Variants in SHPRH observed in about 807,000 individuals in gnomAD.
SHPRH encodes E3 ubiquitin-protein ligase SHPRH.
A neutral mutation model predicts 202.5 loss-of-function variants in SHPRH; 106 were observed. The ratio of observed to expected loss-of-function variants is 0.52; its 90% CI spans 0.45 to 0.62. The LOEUF (loss-of-function observed/expected upper bound fraction) is 0.62, where lower values mean the gene tolerates loss of function less well. SHPRH is among the 20% of genes least tolerant of loss of function. The pLI is 0.00. For synonymous variants in SHPRH, 729 were observed against 686.0 expected, an observed-to-expected ratio of 1.06 and a Z score of -0.98; for missense variants, 1,710 against 2,020.0, an observed-to-expected ratio of 0.85 and a Z score of 2.94.
intron 28 of SHPRH, among the ~76,000 whole-genome samples, chr6:145,891,942 G>A (rs961001113): frequency 1.3e-5 from 2 of 152,138 alleles, no homozygotes; most frequent in Non-Finnish European, 2.9e-5. Context: ...AGTAAGACAT[G>A]ACTGCATTTT....
chr6:145,958,437 C>T (rs920354702), intron 1 of SHPRH, among the ~76,000 whole-genome samples: 10 of 151,800 alleles, frequency 6.6e-5, no homozygotes, highest in East Asian at 3.9e-4. Context: ...TAAAATTTTG[C>T]TAACAAAATA....
At chr6:145,949,622 G>A (rs1014544475) in intron 4 of SHPRH, among the ~76,000 whole-genome samples, 5 of 151,886 alleles carry the variant, frequency 3.3e-5, no homozygotes, top group African/African-American at 7.3e-5. Context: ...TAGTGGGTAC[G>A]ATATACACTA....
At chr6:145,863,534 A>G (rs998489100), downstream of SHPRH, among the ~76,000 whole-genome samples, 1 of 152,220 alleles carries the variant, frequency 6.6e-6, no homozygotes. Context: ...TGTTATTAAG[A>G]CAAAGAGGAA....
Position 145,910,541 on chromosome 6 carries a change from C to A in SHPRH, c.4422G>T (p.Lys1474Asn). 6.2e-7 allele frequency: 1 copy of A among 1,613,028 alleles called. No homozygotes were observed. Among genetic ancestry groups the A allele is most frequent in the Non-Finnish European group, 8.5e-7 (1 of 1,179,608 alleles). Residue 1474 changes from lysine (K) to asparagine (N), a missense_variant, in exon 25 of 30, where the codon AAG becomes AAT. Coordinates refer to ENST00000275233, the MANE Select transcript of SHPRH (RefSeq NM_001042683.3). ...ATGTGGTCTGGCGGCAGATTGCACA[C>A]TTAATGGAGCTTCTGTGAGATCCCA... The part of the protein sequence containing the change: ...YSVGSHRSSI[K>N]CAICRQTTSH...
intron 2 of SHPRH, among the ~76,000 whole-genome samples, chr6:145,953,793 G>T (rs966683668): frequency 6.6e-6 from 1 of 151,956 alleles, no homozygotes; most frequent in African/African-American, 2.4e-5. Flanking sequence ...ATTTCATAAA[G>T]AAACTGAAAT....
intron 2 of SHPRH, among the ~76,000 whole-genome samples, chr6:145,868,752 A>G (rs1327380448): frequency 6.6e-6 from 1 of 152,202 alleles, no homozygotes; most frequent in Non-Finnish European, 1.5e-5. Context: ...CAATTGTTGC[A>G]ATATAACAAA....
chr6:145,947,123 G>A (rs1787470113), intron 6 of SHPRH, among the ~76,000 whole-genome samples: 1 of 152,010 alleles, frequency 6.6e-6, no homozygotes, highest in African/African-American at 2.4e-5. Flanking sequence ...TTATATATAT[G>A]AGATTTGTAT....
intron 2 of SHPRH, among the ~76,000 whole-genome samples, chr6:145,875,482 T>G (rs1780260140): frequency 6.6e-6 from 1 of 152,230 alleles, no homozygotes; most frequent in Admixed American, 6.5e-5. Context: ...TCAGTTGTTC[T>G]ACTCAATATT....
chr6:145,862,047 C>T (rs1188496337), downstream of SHPRH, among the ~76,000 whole-genome samples: 1 of 152,100 alleles, frequency 6.6e-6, no homozygotes, highest in African/African-American at 2.4e-5. Context: ...TGCAAAGTTT[C>T]ATTTATGTAG....
downstream of SHPRH, among the ~76,000 whole-genome samples, chr6:145,863,416 T>C (rs995149723): frequency 1.3e-5 from 2 of 152,236 alleles, no homozygotes; most frequent in African/African-American, 4.8e-5. Flanking sequence ...TGCAGATATA[T>C]TGCAATGTAT....
Position 145,945,343 on chromosome 6 carries a change from C to T in SHPRH, c.1578+38G>A, listed in dbSNP as rs368181804. On this transcript the variant is annotated intron_variant, in intron 8 of 29. Coordinates refer to ENST00000275233, the MANE Select transcript of SHPRH (RefSeq NM_001042683.3). ...AATGTACTCAGTAAGGTATCACATA[C>T]GTGTACTTAATATAGAGCTGAACTT... 5.9e-5 allele frequency: 93 copies of T among 1,571,828 alleles called. No individual in the cohort carries two copies. The African/African-American group carries it at 1.0e-3, about 17-fold the overall frequency.
At chr6:145,959,480 T>C (rs1156372215) in intron 1 of SHPRH, among the ~76,000 whole-genome samples, 1 of 149,724 alleles carries the variant, frequency 6.7e-6, no homozygotes, top group Non-Finnish European at 1.5e-5. Context: ...TGTAGTAGGC[T>C]GGCGGTACCA....
chr6:145,873,693 G>GA (rs771048853), intron 2 of SHPRH, among the ~76,000 whole-genome samples: 18 of 106,406 alleles, frequency 1.7e-4, no homozygotes, highest in South Asian at 1.1e-3. Flanking sequence ...ACAGTTGCTA[G>GA]AGGAAGGAAG....
At position 145,924,789 on chromosome 6, in the gene SHPRH, G is replaced by A. The variant is rs1227303470; in HGVS notation, c.3352C>T (p.Gln1118Ter). The A allele has an allele frequency of 6.2e-7, 1 of 1,611,814 alleles. No individual in the cohort carries two copies. Among genetic ancestry groups the A allele is most frequent in the African/African-American group, 1.3e-5 (1 of 74,880 alleles). ...SKCNTEVAEA[Q>*]QALYPVQQTI... ...TGCTGCACAGGATATAAAGCTTGCT[G>A]GGCTTCAGCAACTTCTGTATTACAC... Residue 1118 changes from glutamine to a stop codon, truncating the protein, a stop_gained, in exon 17 of 30, where the codon CAG (glutamine) becomes TAG (stop). Transcript: ENST00000275233. LOFTEE classifies it high-confidence loss of function.
At chr6:145,898,189 G>A (rs1464054244) in intron 25 of SHPRH, among the ~76,000 whole-genome samples, 1 of 151,604 alleles carries the variant, frequency 6.6e-6, no homozygotes, top group Non-Finnish European at 1.5e-5. Context: ...AAAATCAGTA[G>A]CATTTCTATA....
intron 1 of SHPRH, among the ~76,000 whole-genome samples, chr6:145,958,609 T>C (rs1445188153): frequency 6.6e-6 from 1 of 152,130 alleles, no homozygotes; most frequent in Non-Finnish European, 1.5e-5. Flanking sequence ...GGAAGTGATT[T>C]CCTTGGCACC....
At position 145,929,847 on chromosome 6, in the gene SHPRH, G is replaced by A. The variant is rs113522145; in HGVS notation, c.3113-2570C>T. On this transcript the variant is annotated intron_variant, in intron 14 of 29. Coordinates refer to ENST00000275233, the MANE Select transcript of SHPRH (RefSeq NM_001042683.3). ...GATAACAGAATTTACATTGTGAGCA[G>A]GTTGAAAGTGGTAAGAATCTGAGGT... 4.1e-3 allele frequency among the ~76,000 whole-genome samples: 627 copies of A among 152,140 alleles called. 3 individuals carry two copies. Among genetic ancestry groups the A allele is most frequent in the African/African-American group, 0.014 (596 of 41,532 alleles).
Position 145,943,616 on chromosome 6 carries a change from T to A in SHPRH, c.1765A>T (p.Ser589Cys). The A allele has an allele frequency of 6.2e-7, 1 of 1,613,914 alleles. No homozygotes were observed. The highest frequency in any genetic ancestry group is 1.3e-5 in the African/African-American group (1 of 74,998). The stretch of plus-strand genomic sequence containing the variant: ...GAATCGGGATTGATAAATGGTTGAC[T>A]TTTTCCTTTTTTTGTGGATGGAACA... ...KLVPSTKKGK[S>C]QPFINPDSQG... The change falls in exon 9 of 30, where the codon AGT becomes TGT. Residue 589 changes from serine (S) to cysteine (C), a missense_variant. By Grantham distance (112) the Ser-to-Cys change is moderately radical. Coordinates refer to ENST00000275233, the MANE Select transcript of SHPRH (RefSeq NM_001042683.3).
At chr6:145,938,902 A>T (rs539969521) in intron 11 of SHPRH, among the ~76,000 whole-genome samples, 4 of 152,288 alleles carry the variant, frequency 2.6e-5, no homozygotes, top group Non-Finnish European at 5.9e-5. Context: ...TCCCAAGTAG[A>T]TGACATTATT....
Sources: gnomAD v4.1 joint callset for allele counts (sites outside exome capture counted in the v4.1 genomes callset) on GRCh38, gnomAD v4.1.1 for gene constraint, MANE v1.5 for transcripts, NCBI Gene and HGNC (gene_info 2026-07-23, HGNC 2026-07-21) for gene names.